Variants in GIT1 observed in about 807,000 individuals in gnomAD.
GIT1 encodes the protein ARF GTPase-activating protein GIT1.
Under a neutral mutation model 91.7 loss-of-function variants are expected in GIT1, and 14 were observed. The ratio of observed to expected loss-of-function variants is 0.15; its 90% CI spans 0.10 to 0.24. The LOEUF (loss-of-function observed/expected upper bound fraction) is 0.24. Among genes scored for constraint, GIT1 ranks in the 10% least tolerant of loss-of-function variants. GIT1 has a pLI of 1.00. For synonymous variants in GIT1, 414 were observed against 418.2 expected, an observed-to-expected ratio of 0.99 and a Z score of 0.12; for missense variants, 717 against 1,024.9, an observed-to-expected ratio of 0.70 and a Z score of 4.10.
Position 29,575,976 on chromosome 17 carries a change from G to A in GIT1, c.1666-78C>T. 1 of 1,533,256 alleles carries A rather than the reference G, an allele frequency of 6.5e-7. No individual in the cohort carries two copies. 95.0% of individuals were successfully genotyped at this position (1,533,256 alleles called of 1,614,324 possible). On this transcript the variant is annotated intron_variant, in intron 15 of 19. Transcript: ENST00000225394. The surrounding 1 kb of genome is among the most constrained non-coding windows in gnomAD (Gnocchi z 5.5). ...CTCACCAGCAGTGCAGCAGGGACCAGGTCAGTCTAATCATCTTAAGCCCCG... is the reference window on the plus strand; with the variant it reads ...CTCACCAGCAGTGCAGCAGGGACCAAGTCAGTCTAATCATCTTAAGCCCCG...
At chr17:29,588,359 C>T (rs1598583486) in intron 1 of GIT1, among the ~76,000 whole-genome samples, 1 of 152,360 alleles carries the variant, frequency 6.6e-6, no homozygotes, top group South Asian at 2.1e-4. Flanking sequence ...GGCTGTCCTC[C>T]CTCATCAGAA....
Position 29,575,544 on chromosome 17 carries a change from G to T in GIT1, c.1827-74C>A. On this transcript the variant is annotated intron_variant, in intron 17 of 19. Transcript: ENST00000225394. This position sits in a 1 kb window ranked among gnomAD's most constrained non-coding sequence, Gnocchi z 5.5. ...ACACGTTCCAGCCTCGGAGCCGCCC[G>T]CCTTGGTCCTCACACACTGGGGGCC... The T allele has an allele frequency of 2.6e-6, 4 of 1,557,950 alleles. No individual in the cohort carries two copies. Among genetic ancestry groups the T allele is most frequent in the Non-Finnish European group, 3.5e-6 (4 of 1,139,936 alleles).
chr17:29,578,225 C>G, intron 9 of GIT1, 74 bp downstream of exon 9: 1 of 1,229,226 alleles, frequency 8.1e-7, no homozygotes, highest in South Asian at 1.2e-5. Context: ...CCTTCTTAGC[C>G]CAGTAAAGGA....
rs997982293 is a variant in GIT1, at chr17:29,581,443, C to A, written c.719-63G>T. 1.3e-5 allele frequency: 17 copies of A among 1,276,250 alleles called. No homozygotes were observed. Among genetic ancestry groups the A allele is most frequent in the Non-Finnish European group, 1.9e-5 (17 of 872,834 alleles). The allele number at this position is 1,276,250 out of a possible 1,614,324, so 79.1% of individuals were successfully genotyped here. On this transcript the variant is annotated intron_variant, in intron 6 of 19. Coordinates refer to ENST00000225394, the MANE Select transcript of GIT1 (RefSeq NM_014030.4). The surrounding 1 kb of genome is among the most constrained non-coding windows in gnomAD (Gnocchi z 4.8). ...CTGGGTGGCCTCAGCAGCTGGGAGCCCACCTCACTGCCATGAGCAGGGCTG... is the reference window on the plus strand; with the variant it reads ...CTGGGTGGCCTCAGCAGCTGGGAGCACACCTCACTGCCATGAGCAGGGCTG...
Position 29,581,111 on chromosome 17 carries a change from G to A in GIT1, c.761+227C>T, listed in dbSNP as rs2033379801. ...AGCTTCTCACACCCAAGCCCTCCAT[G>A]TACTTGACAGTCACGGGGCTCAGGC... is the stretch of plus-strand genomic sequence containing the variant. On this transcript the variant is annotated intron_variant, in intron 7 of 19. Transcript: ENST00000225394. This position sits in a 1 kb window ranked among gnomAD's most constrained non-coding sequence, Gnocchi z 4.8. 1.7e-6 allele frequency: 1 copy of A among 583,656 alleles called. No individual in the cohort carries two copies. The highest frequency in any genetic ancestry group is 3.1e-6 in the Non-Finnish European group (1 of 325,302). 36.2% of individuals were successfully genotyped at this position (583,656 alleles called of 1,614,324 possible). A position where few individuals can be genotyped will look rare whatever the true frequency, so the allele number is the denominator to read the frequency against.
intron 1 of GIT1, 83 bp from the exon 2 acceptor site, chr17:29,583,699 T>G (rs971982344): frequency 1.4e-6 from 2 of 1,417,164 alleles, no homozygotes; most frequent in Non-Finnish European, 9.5e-7. Context: ...GTGCCAAGCC[T>G]AGTACTCTCC....
At position 29,586,775 on chromosome 17, in the gene GIT1, C is replaced by T. The variant is rs148369444; in HGVS notation, c.52+2552G>A. 2.9e-4 allele frequency among the ~76,000 whole-genome samples: 44 copies of T among 152,190 alleles called. No homozygotes were observed. In the East Asian group the frequency reaches 7.7e-3, roughly 27 times the overall value. On this transcript the variant is annotated intron_variant, in intron 1 of 19. Transcript: ENST00000225394. ...GAGGCCCTTGACTGAGATCGTGTGG[C>T]GAGGTGGGCCAAGCCTAAGGAAAGG...
At position 29,576,704 on chromosome 17, in the gene GIT1, C is replaced by T. The variant is rs200295612; in HGVS notation, c.1228-30G>A. On this transcript the variant is annotated intron_variant, in intron 12 of 19. Transcript: ENST00000225394. ...AGAGAGAGACCTAAGCTGGTCAGCA[C>T]CTGGGGGCAGGGAGGCCAACACCCG... 9.4e-5 allele frequency: 152 copies of T among 1,612,508 alleles called. 1 individual carries two copies. The African/African-American group carries it at 1.8e-3, about 20-fold the overall frequency.
rs2033454170 is a variant in GIT1, at chr17:29,582,968, C to T, written c.256G>A (p.Val86Met). 1 of 1,612,492 alleles carries T rather than the reference C, an allele frequency of 6.2e-7. No homozygotes were observed. Among genetic ancestry groups the T allele is most frequent in the South Asian group, 1.1e-5 (1 of 91,076 alleles). The change falls in exon 3 of 20, where the codon GTG becomes ATG. Residue 86 changes from valine (V) to methionine (M), a missense_variant. By Grantham distance (21) the Val-to-Met change is conservative (BLOSUM62 1). Transcript: ENST00000225394. ...WEHSLLDPAQ[V>M]QSGRRKANPQ... The stretch of plus-strand genomic sequence containing the variant: ...TTGGCTTTACGCCGGCCGCTCTGCA[C>T]TTGTGCGGGGTCCAGCAGGGAGTGC...
intron 1 of GIT1, 107 bp from the exon 2 acceptor site, chr17:29,583,723 C>G: frequency 1.6e-6 from 2 of 1,256,368 alleles, no homozygotes; most frequent in Non-Finnish European, 1.1e-6. Context: ...CATTCACTCA[C>G]TCAGTCTCCA....
At position 29,582,669 on chromosome 17, in the gene GIT1, C is replaced by T. The variant is rs1340825341; in HGVS notation, c.405+29G>A. 5.6e-6 allele frequency: 8 copies of T among 1,420,448 alleles called. No homozygotes were observed. In the Admixed American group the frequency reaches 1.0e-4, roughly 18 times the overall value. The allele number at this position is 1,420,448 out of a possible 1,614,324, so 88.0% of individuals were successfully genotyped here. Reference sequence around the variant, plus strand: ...CGTGGATGGGAAGAAGAGGAGGGGGCCACCCATCTGTTGTAGGGCCCCTCA... The same window carrying T: ...CGTGGATGGGAAGAAGAGGAGGGGGTCACCCATCTGTTGTAGGGCCCCTCA... On this transcript the variant is annotated intron_variant, in intron 4 of 19. Transcript: ENST00000225394.
Position 29,574,599 on chromosome 17 carries a change from CT to C in GIT1, c.*102del, listed in dbSNP as rs763135559. The C allele has an allele frequency of 9.9e-7, 1 of 1,013,326 alleles. No individual in the cohort carries two copies. Among genetic ancestry groups the C allele is most frequent in the Admixed American group, 1.7e-5 (1 of 57,786 alleles). 62.8% of individuals were successfully genotyped at this position (1,013,326 alleles called of 1,614,324 possible). A position where few individuals can be genotyped will look rare whatever the true frequency, so the allele number is the denominator to read the frequency against. ...AGGGAGTGTGGCAGCACTAAGGGCA[CT>C]TGTGCCAGTGGCTCTGTTGGGGTGG... On this transcript the variant is annotated 3_prime_UTR_variant, in exon 20 of 20. Transcript: ENST00000225394.
At position 29,589,235 on chromosome 17, in the gene GIT1, C is replaced by CCCA; in HGVS notation, c.52+91_52+92insTGG. 2.6e-6 allele frequency: 1 copy of CCCA among 386,834 alleles called. No homozygotes were observed. The highest frequency in any genetic ancestry group is 3.6e-6 in the Non-Finnish European group (1 of 280,920). 24.0% of individuals were successfully genotyped at this position (386,834 alleles called of 1,614,324 possible). A position where few individuals can be genotyped will look rare whatever the true frequency, so the allele number is the denominator to read the frequency against. On this transcript the variant is annotated intron_variant, in intron 1 of 19. Coordinates refer to ENST00000225394, the MANE Select transcript of GIT1 (RefSeq NM_014030.4). The surrounding 1 kb of genome is among the most constrained non-coding windows in gnomAD (Gnocchi z 5.2). ...CCGCAGCCCCCCGCCCCGCCCAGCC[C>CCCA]TCCGGCCCCGCACAGCGCTCTTGCC...
rs1414154564 is a variant in GIT1, at chr17:29,574,436, G to A, written c.*266C>T. ...GAGGGGCTGGGAGTGATGCCTTGCAGGCCCCTGCTCACTAGGAGGGGGGAG... is the reference window on the plus strand; with the variant it reads ...GAGGGGCTGGGAGTGATGCCTTGCAAGCCCCTGCTCACTAGGAGGGGGGAG... On this transcript the variant is annotated 3_prime_UTR_variant, in exon 20 of 20. Coordinates refer to ENST00000225394, the MANE Select transcript of GIT1 (RefSeq NM_014030.4). 3 of 510,314 alleles carry A rather than the reference G, an allele frequency of 5.9e-6. No homozygotes were observed. Among genetic ancestry groups the A allele is most frequent in the African/African-American group, 1.9e-5 (1 of 52,044 alleles). The allele number at this position is 510,314 out of a possible 1,614,324, so 31.6% of individuals were successfully genotyped here. A position where few individuals can be genotyped will look rare whatever the true frequency, so the allele number is the denominator to read the frequency against.
intron 7 of GIT1, among the ~76,000 whole-genome samples, chr17:29,580,373 G>C (rs1339348020): frequency 2.6e-5 from 4 of 152,342 alleles, no homozygotes; most frequent in African/African-American, 9.6e-5. Context: ...AGTCGCCCAG[G>C]CCTGGTTATG....
chr17:29,579,276 C>A, intron 7 of GIT1: 1 of 492,110 alleles, frequency 2.0e-6, no homozygotes, highest in Non-Finnish European at 3.6e-6. Flanking sequence ...TCCTCAATCA[C>A]CTGTTGCCTG....
At chr17:29,578,583 G>C (rs2033294160) in intron 8 of GIT1, 148 bp downstream of exon 8, 1 of 863,892 alleles carries the variant, frequency 1.2e-6, no homozygotes, top group African/African-American at 1.6e-5. Flanking sequence ...AGGGAGGTCA[G>C]GGAGAGGGGA....
chr17:29,578,284 T>G lies in GIT1; in HGVS notation c.883+15A>C, dbSNP rs200918330. 3.2e-4 allele frequency: 510 copies of G among 1,608,668 alleles called. 1 individual carries two copies. The highest frequency in any genetic ancestry group is 3.6e-4 in the Non-Finnish European group (427 of 1,175,044). The stretch of plus-strand genomic sequence containing the variant: ...TCGGGTCCTCCACGCCAGACACTCC[T>G]GCTCCCTGACTCACCTGCATCATTT... On this transcript the variant is annotated intron_variant, in intron 9 of 19. Coordinates refer to ENST00000225394, the MANE Select transcript of GIT1 (RefSeq NM_014030.4).
At chr17:29,580,849 C>A (rs182263708) in intron 7 of GIT1, among the ~76,000 whole-genome samples, 1 of 151,462 alleles carries the variant, frequency 6.6e-6, no homozygotes, top group Non-Finnish European at 1.5e-5. Context: ...GGCGTGCTCT[C>A]GGCTCACCGC....
Sources: allele counts gnomAD v4.1 joint callset (sites outside exome capture counted in the v4.1 genomes callset), GRCh38; gene constraint gnomAD v4.1.1; non-coding constraint Gnocchi (gnomAD v3.1); transcripts MANE v1.5; gene names NCBI Gene and HGNC (gene_info 2026-07-23, HGNC 2026-07-21).